CHRM2: variants seen among roughly 807,000 people sequenced by gnomAD.
CHRM2 encodes the protein cholinergic receptor muscarinic 2.
Under a neutral mutation model 25.0 loss-of-function variants are expected in CHRM2, and 8 were observed. That is an observed-to-expected ratio of 0.32 (90% CI 0.19 to 0.58). CHRM2 has a LOEUF of 0.58. Ranked by LOEUF, CHRM2 falls within the 20% of genes least tolerant of loss-of-function variation. CHRM2 has a pLI of 0.88. For synonymous variants in CHRM2, 202 were observed against 205.7 expected (o/e 0.98, Z 0.15); for missense variants, 440 against 567.1 (o/e 0.78, Z 2.28).
Position 136,869,296 on chromosome 7 carries a change from A to T in CHRM2, c.-247A>T, listed in dbSNP as rs925343303. 6.6e-6 allele frequency: 1 copy of T among 152,262 alleles called. No homozygotes were observed. The highest frequency in any genetic ancestry group is 2.4e-5 in the African/African-American group (1 of 41,362). The allele number at this position is 152,262 out of a possible 1,614,324, so 9.4% of individuals were successfully genotyped here. ...AAAGAGAACCGGCAGCTGGCCTCGG[A>T]CTCTAAGCGGTGCGCAGCTCCAGCC... On this transcript the variant is annotated 5_prime_UTR_variant, in exon 2 of 4. Transcript: ENST00000680005. This position sits in a 1 kb window ranked among gnomAD's most constrained non-coding sequence, Gnocchi z 4.9.
chr7:136,914,524 T>A (rs963300559), intron 2 of CHRM2, among the ~76,000 whole-genome samples: 6 of 151,852 alleles, frequency 4.0e-5, no homozygotes, highest in African/African-American at 1.4e-4. Flanking sequence ...GAGCAGCCCA[T>A]GATGGAGTCA....
At chr7:136,893,222 G>A (rs750230821) in intron 2 of CHRM2, among the ~76,000 whole-genome samples, 5 of 151,972 alleles carry the variant, frequency 3.3e-5, no homozygotes, top group African/African-American at 7.3e-5. Flanking sequence ...TCTACTGGCC[G>A]TGGTACCCAA....
intron 2 of CHRM2, among the ~76,000 whole-genome samples, chr7:136,909,918 A>AAG (rs2130676853): frequency 6.6e-6 from 1 of 151,982 alleles, no homozygotes; most frequent in South Asian, 2.1e-4. Context: ...ATAACAAACA[A>AAG]TGGGTGAAAA....
rs1238285187 is a variant in CHRM2 at position 137,019,553 on chromosome 7, G to A, written c.*3287G>A. 1 of 151,828 alleles carries A rather than the reference G, an allele frequency of 6.6e-6. No homozygotes were observed. The highest frequency in any genetic ancestry group is 1.5e-5 in the Non-Finnish European group (1 of 67,898). The allele number at this position is 151,828 out of a possible 1,614,324, so 9.4% of individuals were successfully genotyped here. ...TCTTCTTTGCATTTACTGGAAAGGTGTATCTGTAAGGTCTTTGTTTTTTCT... is the reference window on the plus strand; with the variant it reads ...TCTTCTTTGCATTTACTGGAAAGGTATATCTGTAAGGTCTTTGTTTTTTCT... On this transcript the variant is annotated 3_prime_UTR_variant, in exon 4 of 4. Coordinates refer to ENST00000680005, the MANE Select transcript of CHRM2 (RefSeq NM_001006630.2).
intron 2 of CHRM2, among the ~76,000 whole-genome samples, chr7:136,937,388 AT>A (rs1025401907): frequency 7.7e-4 from 117 of 152,092 alleles, no homozygotes; most frequent in African/African-American, 2.7e-3. Flanking sequence ...TATGCAAATT[AT>A]TTTTTCCTCA....
At chr7:136,906,521 T>C (rs980791832) in intron 2 of CHRM2, among the ~76,000 whole-genome samples, 77 of 151,988 alleles carry the variant, frequency 5.1e-4, no homozygotes, top group African/African-American at 1.8e-3. Flanking sequence ...ATTTGCCTTA[T>C]ACTGTAGAAT....
At chr7:136,884,750 A>T (rs1258425936) in intron 2 of CHRM2, among the ~76,000 whole-genome samples, 2 of 152,180 alleles carry the variant, frequency 1.3e-5, no homozygotes, top group African/African-American at 2.4e-5. Context: ...AGGACAGGGA[A>T]GTATAGGAGA....
At chr7:136,890,956 G>T (rs79651144) in intron 2 of CHRM2, among the ~76,000 whole-genome samples, 1 of 152,074 alleles carries the variant, frequency 6.6e-6, no homozygotes, top group Admixed American at 6.6e-5. Context: ...CATCCCTACT[G>T]TGTCTCCTTT....
chr7:136,910,800 AGTGTGTGTGT>A (rs71533718), intron 2 of CHRM2, among the ~76,000 whole-genome samples: 2 of 145,676 alleles, frequency 1.4e-5, no homozygotes, highest in African/African-American at 5.1e-5. Context: ...TTTAAAATTA[AGTGTGTGTGT>A]GTGTGTGTGT....
At chr7:136,875,564 C>T (rs1563038545) in intron 2 of CHRM2, among the ~76,000 whole-genome samples, 1 of 152,126 alleles carries the variant, frequency 6.6e-6, no homozygotes, top group Non-Finnish European at 1.5e-5. Flanking sequence ...ATGCTTCTAA[C>T]CGGTCTCCCA....
intron 2 of CHRM2, among the ~76,000 whole-genome samples, chr7:136,968,573 A>C (rs1656221547): frequency 6.6e-6 from 1 of 151,694 alleles, no homozygotes; most frequent in South Asian, 2.1e-4. Context: ...AGATATCTGC[A>C]CTCCAATGTT....
intron 3 of CHRM2, among the ~76,000 whole-genome samples, chr7:136,996,211 A>G (rs1280470764): frequency 6.6e-6 from 1 of 152,008 alleles, no homozygotes; most frequent in Non-Finnish European, 1.5e-5. Context: ...AAATTAGCTA[A>G]AGGAAATTAT....
intron 2 of CHRM2, among the ~76,000 whole-genome samples, chr7:136,904,954 T>G (rs1486257200): frequency 2.6e-5 from 4 of 151,926 alleles, no homozygotes; most frequent in Non-Finnish European, 5.9e-5. Flanking sequence ...ATATTTACAT[T>G]ATAGTGCTTT....
intron 3 of CHRM2, among the ~76,000 whole-genome samples, chr7:137,012,931 A>G (rs191635856): frequency 1.8e-4 from 28 of 152,100 alleles, no homozygotes; most frequent in Admixed American, 7.2e-4. Context: ...CAACACTACC[A>G]TTAATACTAC....
chr7:136,972,128 C>CT lies in CHRM2; in HGVS notation c.-124-20048dup, dbSNP rs542113762. Among the ~76,000 whole-genome samples, 750 of 144,300 alleles carry CT rather than the reference C, an allele frequency of 5.2e-3. 4 individuals carry two copies. Among genetic ancestry groups the CT allele is most frequent in the African/African-American group, 0.012 (490 of 39,536 alleles). The allele number at this position is 144,300 out of a possible 152,430, so 94.7% of individuals were successfully genotyped here. A position where few individuals can be genotyped will look rare whatever the true frequency, so the allele number is the denominator to read the frequency against. ...GCTGTTTTGGGCAATGTCAGTATGC[C>CT]TTTTTTTTTTTCGTGGATTTTCTCC... On this transcript the variant is annotated intron_variant, in intron 2 of 3. Coordinates refer to ENST00000680005, the MANE Select transcript of CHRM2 (RefSeq NM_001006630.2).
intron 2 of CHRM2, among the ~76,000 whole-genome samples, chr7:136,974,180 T>C (rs982191027): frequency 6.6e-6 from 1 of 152,198 alleles, no homozygotes; most frequent in African/African-American, 2.4e-5. Flanking sequence ...TACCAAGCAC[T>C]CATTACTGAT....
At position 136,966,696 on chromosome 7, in the gene CHRM2, CTATAAG is replaced by C. The variant is rs549538569; in HGVS notation, c.-124-25485_-124-25480del. 2.4e-4 allele frequency among the ~76,000 whole-genome samples: 36 copies of C among 147,182 alleles called. No individual in the cohort carries two copies. In the East Asian group the frequency reaches 2.6e-3, roughly 11 times the overall value. ...ATACAAACCGTAATACACAGTGAGT[CTATAAG>C]TATAACTTGCCTTTTTTTTTTTACA... On this transcript the variant is annotated intron_variant, in intron 2 of 3. Coordinates refer to ENST00000680005, the MANE Select transcript of CHRM2 (RefSeq NM_001006630.2).
At chr7:136,942,892 C>T (rs1584796494) in intron 2 of CHRM2, among the ~76,000 whole-genome samples, 3 of 151,150 alleles carry the variant, frequency 2.0e-5, no homozygotes, top group Non-Finnish European at 2.9e-5. Context: ...TTTCTTTGTC[C>T]TTCGTATTAT....
chr7:136,945,105 G>T (rs1799996930), intron 2 of CHRM2, among the ~76,000 whole-genome samples: 1 of 151,702 alleles, frequency 6.6e-6, no homozygotes, highest in Non-Finnish European at 1.5e-5. Flanking sequence ...CTTGATTTGA[G>T]TTCTTTATAG....
Sources: gnomAD v4.1 joint callset for allele counts (sites outside exome capture counted in the v4.1 genomes callset) on GRCh38, gnomAD v4.1.1 for gene constraint, Gnocchi (gnomAD v3.1) non-coding constraint, MANE v1.5 for transcripts, NCBI Gene and HGNC (gene_info 2026-07-23, HGNC 2026-07-21) for gene names.